The following BEND4 variants were observed in gnomAD, a reference collection of about 807,000 sequenced individuals.
The protein encoded by BEND4 is BEN domain containing 4.
A neutral mutation model predicts 54.7 loss-of-function variants in BEND4; 27 were observed. The observed-to-expected ratio is 0.49, with a 90% CI of 0.36 to 0.68. The LOEUF (loss-of-function observed/expected upper bound fraction) is 0.68, where lower values mean the gene tolerates loss of function less well. BEND4 is among the 30% of genes least tolerant of loss of function. The pLI, the probability that BEND4 is intolerant of heterozygous loss-of-function variation, is 0.00. For missense variants in BEND4, 702 were observed against 697.2 expected, an observed-to-expected ratio of 1.01 and a Z score of -0.08; for synonymous variants, 327 against 299.5, an observed-to-expected ratio of 1.09 and a Z score of -0.95.
chr4:42,132,801 T>C (rs746661321), intron 3 of BEND4, among the ~76,000 whole-genome samples: 3 of 152,098 alleles, frequency 2.0e-5, no homozygotes, highest in Admixed American at 6.6e-5. Flanking sequence ...TTCAGACCCA[T>C]TGGGCATGTT....
chr4:42,151,515 G>T, intron 2 of BEND4, 142 bp downstream of exon 2: 1 of 846,130 alleles, frequency 1.2e-6, no homozygotes, highest in Non-Finnish European at 1.6e-6. Context: ...TTCCGGGTGC[G>T]CGGGGAGGCC....
At chr4:42,132,539 G>T (rs1720545217) in intron 3 of BEND4, among the ~76,000 whole-genome samples, 1 of 152,104 alleles carries the variant, frequency 6.6e-6, no homozygotes, top group Non-Finnish European at 1.5e-5. Flanking sequence ...CCGCCTCCCA[G>T]GTTCAAGAGA....
intron 3 of BEND4, among the ~76,000 whole-genome samples, chr4:42,127,073 C>T (rs1720316875): frequency 2.0e-5 from 3 of 151,924 alleles, no homozygotes; most frequent in Admixed American, 6.6e-5. Context: ...TGTTTCTCAC[C>T]CATTTTTTTT....
At chr4:42,127,124 A>T (rs1044949940) in intron 3 of BEND4, among the ~76,000 whole-genome samples, 1 of 152,246 alleles carries the variant, frequency 6.6e-6, no homozygotes, top group Non-Finnish European at 1.5e-5. Flanking sequence ...CAATGCTAAT[A>T]TAATAGCTTT....
intron 2 of BEND4, 187 bp from the exon 3 acceptor site, chr4:42,144,181 G>A (rs935966391): frequency 3.0e-5 from 19 of 632,934 alleles, no homozygotes; most frequent in East Asian, 8.4e-5. Flanking sequence ...CTGCGACTGC[G>A]GGATGCTTGC....
chr4:42,147,837 G>A (rs1271031892), intron 2 of BEND4, among the ~76,000 whole-genome samples: 1 of 152,074 alleles, frequency 6.6e-6, no homozygotes, highest in African/African-American at 2.4e-5. Flanking sequence ...AATAAGAAGA[G>A]GGATGGGAAG....
chr4:42,138,656 A>C (rs34285999), intron 3 of BEND4, among the ~76,000 whole-genome samples: 24,292 of 152,208 alleles, frequency 0.16, 2,047 homozygotes, highest in Non-Finnish European at 0.19. Context: ...TAACCTTTTA[A>C]CTATATATCC....
Position 42,151,965 on chromosome 4 carries a change from G to A in BEND4, c.179C>T (p.Pro60Leu). 1 of 1,248,788 alleles carries A rather than the reference G, an allele frequency of 8.0e-7. No individual in the cohort carries two copies. The highest frequency in any genetic ancestry group is 1.6e-5 in the African/African-American group (1 of 64,110). The allele number at this position is 1,248,788 out of a possible 1,614,324, so 77.4% of individuals were successfully genotyped here. Reference protein sequence around the residue: ...PHVRAPPPPPPPFAPHAAVSI... With the variant: ...PHVRAPPPPPLPFAPHAAVSI... ...GACGGCGGCGTGCGGCGCGAAGGGC[G>A]GCGGGGGCGGCGGGGGCGCCCGCAC... Residue 60 changes from proline (P) to leucine (L), a missense_variant, in exon 2 of 6, where the codon CCG becomes CTG. Physicochemically the swap from Pro to Leu is moderately conservative, Grantham distance 98. Coordinates refer to ENST00000502486, the MANE Select transcript of BEND4 (RefSeq NM_207406.4).
At position 42,125,614 on chromosome 4, in the gene BEND4, A is replaced by T. The variant is rs1372252818; in HGVS notation, c.1115T>A (p.Leu372Gln). 1 of 1,613,942 alleles carries T rather than the reference A, an allele frequency of 6.2e-7. No individual in the cohort carries two copies. Among genetic ancestry groups the T allele is most frequent in the Non-Finnish European group, 8.5e-7 (1 of 1,179,840 alleles). ...KMVLQHHNQL[L>Q]IPQPADQPTE... is the part of the protein sequence containing the mutation. ...CGGCTGGTCAGCTGGCTGTGGTATC[A>T]GGAGTTGGTTGTGGTGCTGCAGAAC... Residue 372 changes from leucine to glutamine, a missense_variant, in exon 4 of 6, where the codon CTG (leucine) becomes CAG (glutamine). By Grantham distance (113) the Leu-to-Gln change is moderately radical. Transcript: ENST00000502486.
chr4:42,126,399 C>T (rs1300540133), intron 3 of BEND4, among the ~76,000 whole-genome samples: 1 of 152,192 alleles, frequency 6.6e-6, no homozygotes, highest in Non-Finnish European at 1.5e-5. Context: ...ATGATGGATT[C>T]ATTCCTAGTT....
intron 4 of BEND4, among the ~76,000 whole-genome samples, chr4:42,125,063 A>G (rs1368587285): frequency 6.6e-6 from 1 of 152,228 alleles, no homozygotes; most frequent in South Asian, 2.1e-4. Flanking sequence ...TGAACATCTT[A>G]TAAGTATGTA....
At chr4:42,133,728 G>A (rs556141521) in intron 3 of BEND4, among the ~76,000 whole-genome samples, 3 of 152,246 alleles carry the variant, frequency 2.0e-5, no homozygotes, top group Non-Finnish European at 2.9e-5. Context: ...GGTGGTGGGC[G>A]CCTGTAGTCC....
rs573367825 is a variant in BEND4, at chr4:42,130,916, G to C, written c.1055-5242C>G. Among the ~76,000 whole-genome samples, 5 of 152,278 alleles carry C rather than the reference G, an allele frequency of 3.3e-5. No homozygotes were observed. The South Asian group carries it at 1.0e-3, about 32-fold the overall frequency. On this transcript the variant is annotated intron_variant, in intron 3 of 5. Transcript: ENST00000502486. ...GAAACGAGAGATCATGGCCTTTGCA[G>C]GGACATGGATGAAGCTGGAAGCCAT...
Position 42,117,631 on chromosome 4 carries a change from G to T in BEND4, c.1492C>A (p.Arg498=). 1 of 1,612,340 alleles carries T rather than the reference G, an allele frequency of 6.2e-7. No homozygotes were observed. The highest frequency in any genetic ancestry group is 8.5e-7 in the Non-Finnish European group (1 of 1,179,158). Residue 498 remains arginine (R), a synonymous_variant, in exon 6 of 6, where the codon CGG becomes AGG. Transcript: ENST00000502486. The part of the protein sequence containing the change: ...SDAVGHARQG[R]AVGTFLHNGG... The stretch of plus-strand genomic sequence containing the variant: ...TTGTGCAGGAAAGTCCCCACCGCCC[G>T]CCCCTGTCGGGCGTGACCGACAGCG...
Position 42,120,108 on chromosome 4 carries a change from C to T in BEND4, c.1333G>A (p.Glu445Lys). ...AGAGGGCGTCTTTCGGGACCTGTCT[C>T]TCCTGACTGCACTGACCTTTTCCTT... ...GKRKRSVQSG[E>K]TGPERRPLDP... The change falls in exon 5 of 6, where the codon GAG becomes AAG. Residue 445 changes from glutamate to lysine, a missense_variant. Coordinates refer to ENST00000502486, the MANE Select transcript of BEND4 (RefSeq NM_207406.4). 6.2e-7 allele frequency: 1 copy of T among 1,613,988 alleles called. No individual in the cohort carries two copies. Among genetic ancestry groups the T allele is most frequent in the Non-Finnish European group, 8.5e-7 (1 of 1,179,880 alleles).
chr4:42,134,254 C>T (rs1262227812), intron 3 of BEND4, among the ~76,000 whole-genome samples: 4 of 152,174 alleles, frequency 2.6e-5, no homozygotes, highest in Non-Finnish European at 5.9e-5. Context: ...TAGTTGTTTT[C>T]AAGGACTTAA....
Position 42,151,883 on chromosome 4 carries a change from G to A in BEND4, c.261C>T (p.Pro87=), listed in dbSNP as rs571194775. The A allele has an allele frequency of 1.5e-6, 2 of 1,305,782 alleles. No individual in the cohort carries two copies. The highest frequency in any genetic ancestry group is 1.6e-5 in the African/African-American group (1 of 64,464). 80.9% of individuals were successfully genotyped at this position (1,305,782 alleles called of 1,614,324 possible). ...PQQFQAQSSY[P]PGPGRAAAAA... The stretch of plus-strand genomic sequence containing the variant: ...CGGCGGCGGCCCGGCCGGGCCCGGG[G>A]GGGTAGGAGCTCTGCGCCTGGAACT... Residue 87 remains proline, a synonymous_variant, in exon 2 of 6, where the codon CCC becomes CCT. Transcript: ENST00000502486.
At position 42,115,680 on chromosome 4, in the gene BEND4, T is replaced by A. The variant is rs2153144047; in HGVS notation, c.*1838A>T. On this transcript the variant is annotated 3_prime_UTR_variant, in exon 6 of 6. Transcript: ENST00000502486. ...GAATCTTATAAGACAGACACTGACT[T>A]CTCGGACCTCTAAAAAATGCTTTAA... 6.6e-6 allele frequency: 1 copy of A among 152,298 alleles called. No homozygotes were observed. The highest frequency in any genetic ancestry group is 2.1e-4 in the South Asian group (1 of 4,832). The allele number at this position is 152,298 out of a possible 1,614,324, so 9.4% of individuals were successfully genotyped here.
rs563610069 is a variant in BEND4 at position 42,149,026 on chromosome 4, C to G, written c.487+2631G>C. 6.6e-4 allele frequency among the ~76,000 whole-genome samples: 101 copies of G among 152,258 alleles called. 1 individual carries two copies. Among genetic ancestry groups the G allele is most frequent in the African/African-American group, 2.4e-3 (99 of 41,504 alleles). On this transcript the variant is annotated intron_variant, in intron 2 of 5. Coordinates refer to ENST00000502486, the MANE Select transcript of BEND4 (RefSeq NM_207406.4). ...ATGGCAAATAAGATTCACTTCAACC[C>G]TTTCATCTTTTCACTCCATTTACTC...
Sources: gnomAD v4.1 joint callset for allele counts (sites outside exome capture counted in the v4.1 genomes callset) on GRCh38, gnomAD v4.1.1 for gene constraint, MANE v1.5 for transcripts, NCBI Gene and HGNC (gene_info 2026-07-23, HGNC 2026-07-21) for gene names.